Variants in NDST4 observed in about 807,000 individuals in gnomAD.
NDST4 encodes N-deacetylase and N-sulfotransferase 4.
NDST4 carries 63 observed loss-of-function variants against 100.8 expected under a neutral mutation model. The observed-to-expected ratio is 0.62, with a 90% confidence interval of 0.51 to 0.77. NDST4 has a LOEUF of 0.77. Ranked by LOEUF, NDST4 falls within the 30% of genes least tolerant of loss-of-function variation. The probability of loss-of-function intolerance (pLI) is 0.00; values close to 1 mark genes in which losing one functional copy is unlikely to be tolerated. For missense variants in NDST4, 943 were observed against 1,018.4 expected (o/e 0.93, Z 1.01); for synonymous variants, 377 against 361.8 (o/e 1.04, Z -0.48).
At chr4:115,032,942 C>T (rs956946865) in intron 2 of NDST4, among the ~76,000 whole-genome samples, 13 of 151,486 alleles carry the variant, frequency 8.6e-5, no homozygotes, top group Non-Finnish European at 1.8e-4. Flanking sequence ...CCTTTGAATT[C>T]GTATGTTTTT....
intron 2 of NDST4, among the ~76,000 whole-genome samples, chr4:115,033,267 C>T (rs1728161673): frequency 6.7e-6 from 1 of 149,876 alleles, no homozygotes; most frequent in Admixed American, 6.7e-5. Flanking sequence ...ATTCAGCCTC[C>T]CGAGTAGCGA....
At chr4:114,995,596 G>T (rs965947002) in intron 2 of NDST4, among the ~76,000 whole-genome samples, 1 of 151,984 alleles carries the variant, frequency 6.6e-6, no homozygotes. Context: ...CAGACTAAAT[G>T]ATGTTAAACA....
At chr4:115,059,748 A>G (rs1048641349) in intron 2 of NDST4, among the ~76,000 whole-genome samples, 3 of 152,072 alleles carry the variant, frequency 2.0e-5, no homozygotes, top group Non-Finnish European at 2.9e-5. Context: ...CTTAGAAGTA[A>G]GACAAGTCAT....
chr4:115,044,307 G>T (rs968365840), intron 2 of NDST4, among the ~76,000 whole-genome samples: 1 of 152,044 alleles, frequency 6.6e-6, no homozygotes, highest in African/African-American at 2.4e-5. Context: ...ATTAAGAGAA[G>T]ATTAAAGATT....
chr4:115,066,223 T>C (rs551468692), intron 2 of NDST4, among the ~76,000 whole-genome samples: 1 of 152,338 alleles, frequency 6.6e-6, no homozygotes, highest in African/African-American at 2.4e-5. Context: ...GAAAAGGTAT[T>C]ACTGGTATGT....
In NDST4 at chr4:114,845,885, G is replaced by T; in HGVS notation, c.2053C>A (p.Pro685Thr). ...AGGATGGTGATGATCTTGGCTTTGG[G>T]GACAAGAGATGCGGCTCGTCTTGGA... Reference protein sequence around the residue: ...EAPRRAASLVPKAKIITILID... With the variant: ...EAPRRAASLVTKAKIITILID... The change falls in exon 10 of 14, where the codon CCC (proline) becomes ACC (threonine). Residue 685 changes from proline to threonine, a missense_variant. Pro to Thr is a conservative substitution (Grantham distance 38, BLOSUM62 -1). This residue lies in a region of NDST4 where 526 missense variants were observed against 634.1 expected (regional missense o/e 0.83). Transcript: ENST00000264363. 6.2e-7 allele frequency: 1 copy of T among 1,614,018 alleles called. No homozygotes were observed. The highest frequency in any genetic ancestry group is 8.5e-7 in the Non-Finnish European group (1 of 1,179,976).
Position 114,934,481 on chromosome 4 carries a change from G to T in NDST4, c.1536+725C>A, listed in dbSNP as rs184432992. Among the ~76,000 whole-genome samples the T allele has an allele frequency of 2.3e-4, 35 of 151,786 alleles. No homozygotes were observed. The South Asian group carries it at 7.3e-3, about 32-fold the overall frequency. ...AGGCAGGAGAATGGCGTGAACCCGG[G>T]AGGCGGAGCTTGCAGCTAGCGGAGA... On this transcript the variant is annotated intron_variant, in intron 6 of 13. Transcript: ENST00000264363.
intron 2 of NDST4, among the ~76,000 whole-genome samples, chr4:115,065,524 T>C (rs1728928164): frequency 6.6e-6 from 1 of 152,140 alleles, no homozygotes; most frequent in Non-Finnish European, 1.5e-5. Flanking sequence ...GTTAATATTG[T>C]TTGGGCTTGT....
intron 4 of NDST4, 141 bp from the exon 5 acceptor site, chr4:114,937,644 T>C (rs2126226320): frequency 1.6e-6 from 1 of 645,052 alleles, no homozygotes; most frequent in Non-Finnish European, 2.5e-6. Context: ...AGAGGTTTTA[T>C]CTTCGAGCAG....
In NDST4 at chr4:114,847,416, A is replaced by AAAAAT. The variant is rs1391736224; in HGVS notation, c.1940+798_1940+799insATTTT. ...AAAAAAAAAAAAAAAAAAAAAAAAA[A>AAAAAT]GTGTCTTTCATTGCAAACAGGTTCA... On this transcript the variant is annotated intron_variant, in intron 9 of 13. Coordinates refer to ENST00000264363, the MANE Select transcript of NDST4 (RefSeq NM_022569.3). Among the ~76,000 whole-genome samples, 487 of 103,628 alleles carry AAAAAT rather than the reference A, an allele frequency of 4.7e-3. 53 individuals are homozygous for AAAAAT. Among genetic ancestry groups the AAAAAT allele is most frequent in the African/African-American group, 5.2e-3 (123 of 23,586 alleles). 68.0% of individuals were successfully genotyped at this position (103,628 alleles called of 152,430 possible).
chr4:114,898,488 C>T (rs1408737645), intron 6 of NDST4, among the ~76,000 whole-genome samples: 1 of 152,052 alleles, frequency 6.6e-6, no homozygotes, highest in Non-Finnish European at 1.5e-5. Context: ...GGGTAGTGTC[C>T]GTGCTTCAAC....
chr4:115,015,465 A>G (rs1727655605), intron 2 of NDST4, among the ~76,000 whole-genome samples: 1 of 152,108 alleles, frequency 6.6e-6, no homozygotes, highest in South Asian at 2.1e-4. Context: ...TTATGCAGTA[A>G]TATACTAATT....
chr4:114,858,154 AC>A (rs1370425400), intron 7 of NDST4, among the ~76,000 whole-genome samples: 8 of 152,210 alleles, frequency 5.3e-5, no homozygotes, highest in Non-Finnish European at 8.8e-5. Context: ...ATCTGACCTG[AC>A]AGTAACAGCA....
intron 6 of NDST4, among the ~76,000 whole-genome samples, chr4:114,892,514 C>G (rs73850725): frequency 0.035 from 5,297 of 152,132 alleles, 280 homozygotes; most frequent in African/African-American, 0.12. Flanking sequence ...TTCTGACCAT[C>G]AAAGATGTCT....
At chr4:114,955,234 G>T (rs1726112042) in intron 4 of NDST4, among the ~76,000 whole-genome samples, 2 of 152,108 alleles carry the variant, frequency 1.3e-5, no homozygotes, top group South Asian at 4.1e-4. Context: ...GGGAACCTTG[G>T]GGTCAAGGTG....
Position 114,906,663 on chromosome 4 carries a change from A to G in NDST4, c.1536+28543T>C, listed in dbSNP as rs148519852. On this transcript the variant is annotated intron_variant, in intron 6 of 13. Coordinates refer to ENST00000264363, the MANE Select transcript of NDST4 (RefSeq NM_022569.3). ...CTGGTTTTAGGTCTTTCAGTTTTAAAAATATGTACATCTTAAGAGATATAG... is the reference window on the plus strand; with the variant it reads ...CTGGTTTTAGGTCTTTCAGTTTTAAGAATATGTACATCTTAAGAGATATAG... Among the ~76,000 whole-genome samples the G allele has an allele frequency of 8.0e-3, 1,218 of 152,114 alleles. 6 individuals carry two copies. The highest frequency in any genetic ancestry group is 0.013 in the Non-Finnish European group (878 of 67,894).
intron 2 of NDST4, among the ~76,000 whole-genome samples, chr4:115,033,511 A>G (rs1728168186): frequency 6.6e-6 from 1 of 151,874 alleles, no homozygotes; most frequent in Admixed American, 6.6e-5. Context: ...TACATTTTTT[A>G]TTTTAATATT....
At position 114,937,300 on chromosome 4, in the gene NDST4, A is replaced by C; in HGVS notation, c.1407+18T>G. ...TAAATATTAACATCCTTCAATATAC[A>C]TGGCTCTCTGTGCTCACCATGATGC... is the stretch of plus-strand genomic sequence containing the variant. On this transcript the variant is annotated intron_variant, in intron 5 of 13. Transcript: ENST00000264363. The C allele has an allele frequency of 6.2e-7, 1 of 1,613,660 alleles. No individual in the cohort carries two copies. The highest frequency in any genetic ancestry group is 8.5e-7 in the Non-Finnish European group (1 of 1,179,620).
At chr4:114,904,030 T>A (rs1360865762) in intron 6 of NDST4, among the ~76,000 whole-genome samples, 1 of 152,028 alleles carries the variant, frequency 6.6e-6, no homozygotes, top group Non-Finnish European at 1.5e-5. Flanking sequence ...AGCCCTGATG[T>A]CACATGCCTT....
Sources: allele counts gnomAD v4.1 joint callset (sites outside exome capture counted in the v4.1 genomes callset), GRCh38; gene constraint gnomAD v4.1.1; regional missense constraint gnomAD v4.1.1; transcripts MANE v1.5; gene names NCBI Gene and HGNC (gene_info 2026-07-23, HGNC 2026-07-21).